Variants in CSMD1 observed in about 807,000 individuals in gnomAD.
The protein encoded by CSMD1 is CUB and Sushi multiple domains 1.
A neutral mutation model predicts 417.5 loss-of-function variants in CSMD1; 213 were observed. The ratio of observed to expected loss-of-function variants is 0.51; its 90% CI spans 0.46 to 0.57. CSMD1 has a LOEUF of 0.57. Ranked by LOEUF, CSMD1 falls within the 20% of genes least tolerant of loss-of-function variation. CSMD1 has a pLI of 0.00. For missense variants in CSMD1, 6,923 were observed against 4,529.7 expected (o/e 1.53, Z -15.17); for synonymous variants, 2,862 against 1,736.8 (o/e 1.65, Z -16.11).
rs180864729 is a variant in CSMD1, at chr8:4,409,721, C to T, written c.415+10232G>A. 4.0e-5 allele frequency among the ~76,000 whole-genome samples: 6 copies of T among 150,852 alleles called. No homozygotes were observed. The East Asian group carries it at 1.2e-3, about 29-fold the overall frequency. The stretch of plus-strand genomic sequence containing the variant: ...AGAAGGAGAAGGTGGACACAGGCTT[C>T]CCAAGATGGCAAAGGAACATTAGCA... On this transcript the variant is annotated intron_variant, in intron 3 of 69. Coordinates refer to ENST00000635120, the MANE Select transcript of CSMD1 (RefSeq NM_033225.6).
At chr8:3,792,817 C>T (rs1328663557) in intron 5 of CSMD1, among the ~76,000 whole-genome samples, 1 of 152,174 alleles carries the variant, frequency 6.6e-6, no homozygotes, top group Admixed American at 6.5e-5. Context: ...GACAGAGAAA[C>T]AACTACTCTC....
chr8:4,147,823 A>G (rs1309524083), intron 3 of CSMD1, among the ~76,000 whole-genome samples: 2 of 152,128 alleles, frequency 1.3e-5, no homozygotes, highest in African/African-American at 4.8e-5. Context: ...GCAGGAAGAC[A>G]CATCATCAGA....
intron 3 of CSMD1, among the ~76,000 whole-genome samples, chr8:4,067,904 C>G (rs552450416): frequency 5.0e-4 from 76 of 152,114 alleles, no homozygotes; most frequent in African/African-American, 1.7e-3. Flanking sequence ...TGATGAAACC[C>G]CAACTCTACT....
intron 8 of CSMD1, among the ~76,000 whole-genome samples, chr8:3,589,139 A>G (rs1035542959): frequency 6.6e-6 from 1 of 152,184 alleles, no homozygotes; most frequent in African/African-American, 2.4e-5. Context: ...TAGAAATGTA[A>G]AATATGTAAA....
intron 3 of CSMD1, among the ~76,000 whole-genome samples, chr8:4,227,381 T>A (rs894766138): frequency 2.0e-5 from 3 of 152,118 alleles, no homozygotes; most frequent in Non-Finnish European, 4.4e-5. Context: ...AAGAACCCTA[T>A]TCTATCCACT....
chr8:4,202,191 A>G (rs761144677), intron 3 of CSMD1, among the ~76,000 whole-genome samples: 1 of 152,174 alleles, frequency 6.6e-6, no homozygotes, highest in East Asian at 1.9e-4. Flanking sequence ...TATTACTCTT[A>G]TAATGACGCA....
At chr8:3,411,443 C>T (rs1812694469) in intron 12 of CSMD1, among the ~76,000 whole-genome samples, 1 of 151,796 alleles carries the variant, frequency 6.6e-6, no homozygotes, top group South Asian at 2.1e-4. Flanking sequence ...TTCCTCATCC[C>T]CTTCACACCC....
At chr8:3,282,089 T>C (rs1436900239) in intron 26 of CSMD1, among the ~76,000 whole-genome samples, 1 of 152,188 alleles carries the variant, frequency 6.6e-6, no homozygotes, top group African/African-American at 2.4e-5. Flanking sequence ...TGTGACTCAA[T>C]TAAACCTCTT....
chr8:3,885,852 A>C (rs1449017402), intron 5 of CSMD1, among the ~76,000 whole-genome samples: 4 of 152,214 alleles, frequency 2.6e-5, no homozygotes, highest in African/African-American at 4.8e-5. Flanking sequence ...GTCTCTGTGA[A>C]CAAAACAATT....
intron 3 of CSMD1, among the ~76,000 whole-genome samples, chr8:4,218,211 CTCATT>C (rs1446479566): frequency 2.6e-5 from 4 of 152,142 alleles, no homozygotes; most frequent in Non-Finnish European, 4.4e-5. Flanking sequence ...TGGCACTTTG[CTCATT>C]TCATTTTATG....
In CSMD1 at chr8:4,346,174, C is replaced by G. The variant is rs557789414; in HGVS notation, c.415+73779G>C. Reference sequence around the variant, plus strand: ...ATGCTGGTCAACTATGGTTAACAATCAAATATGGCCTGCTAATTTATCTGG... The same window carrying G: ...ATGCTGGTCAACTATGGTTAACAATGAAATATGGCCTGCTAATTTATCTGG... On this transcript the variant is annotated intron_variant, in intron 3 of 69. Coordinates refer to ENST00000635120, the MANE Select transcript of CSMD1 (RefSeq NM_033225.6). Among the ~76,000 whole-genome samples the G allele has an allele frequency of 1.2e-4, 19 of 152,220 alleles. No homozygotes were observed. The East Asian group carries it at 3.3e-3, about 26-fold the overall frequency.
chr8:3,731,844 C>T (rs1232835164), intron 6 of CSMD1, among the ~76,000 whole-genome samples: 1 of 152,084 alleles, frequency 6.6e-6, no homozygotes, highest in African/African-American at 2.4e-5. Context: ...AGTGAGTTTC[C>T]ATCATTATCA....
At chr8:4,368,358 G>C (rs942786291) in intron 3 of CSMD1, among the ~76,000 whole-genome samples, 3 of 152,030 alleles carry the variant, frequency 2.0e-5, no homozygotes, top group Non-Finnish European at 4.4e-5. Context: ...TGGTGAATTA[G>C]CTTTTTCATC....
chr8:4,616,606 T>C (rs1367847411), intron 2 of CSMD1, among the ~76,000 whole-genome samples: 1 of 152,206 alleles, frequency 6.6e-6, no homozygotes, highest in African/African-American at 2.4e-5. Flanking sequence ...TAGAATAAGA[T>C]ACAGGATCTA....
At chr8:3,728,183 C>A (rs996326934) in intron 6 of CSMD1, among the ~76,000 whole-genome samples, 2 of 152,176 alleles carry the variant, frequency 1.3e-5, no homozygotes, top group East Asian at 1.9e-4. Flanking sequence ...CCATACTGTT[C>A]TCATGGTAGT....
chr8:3,818,079 G>A (rs1481181509), intron 5 of CSMD1, among the ~76,000 whole-genome samples: 1 of 152,084 alleles, frequency 6.6e-6, no homozygotes, highest in Non-Finnish European at 1.5e-5. Context: ...GGAGGTCCGG[G>A]CTCAGCCAGC....
rs150080100 is a variant in CSMD1, at chr8:3,630,647, A to G, written c.1010-13850T>C. ...CTGAGTGAGGGTTGAAGGGCAGCAG[A>G]CAGATTTCATTGCGTTCGAGAAAAA... On this transcript the variant is annotated intron_variant, in intron 7 of 69. Transcript: ENST00000635120. Among the ~76,000 whole-genome samples the G allele has an allele frequency of 9.9e-3, 1,510 of 152,278 alleles. 15 individuals carry two copies. The highest frequency in any genetic ancestry group is 0.015 in the Non-Finnish European group (997 of 68,016).
At chr8:4,918,374 G>A (rs371702151) in intron 1 of CSMD1, among the ~76,000 whole-genome samples, 1 of 152,184 alleles carries the variant, frequency 6.6e-6, no homozygotes, top group East Asian at 1.9e-4. Flanking sequence ...AAAGGTGGGT[G>A]TTCCTCCCAG....
At chr8:4,643,499 A>C (rs1803333699) in intron 1 of CSMD1, among the ~76,000 whole-genome samples, 1 of 152,086 alleles carries the variant, frequency 6.6e-6, no homozygotes, top group African/African-American at 2.4e-5. Context: ...CTATCAAGCA[A>C]CTCTCAAGTA....
Sources: gnomAD v4.1 joint callset for allele counts (sites outside exome capture counted in the v4.1 genomes callset) on GRCh38, gnomAD v4.1.1 for gene constraint, MANE v1.5 for transcripts, NCBI Gene and HGNC (gene_info 2026-07-23, HGNC 2026-07-21) for gene names.